Variants in SLCO3A1 observed in about 807,000 individuals in gnomAD.
SLCO3A1 encodes solute carrier organic anion transporter family member 3A1.
A neutral mutation model predicts 63.1 loss-of-function variants in SLCO3A1; 27 were observed. The ratio of observed to expected loss-of-function variants is 0.43; its 90% confidence interval spans 0.32 to 0.59. The LOEUF (loss-of-function observed/expected upper bound fraction) is 0.59, where lower values mean the gene tolerates loss of function less well. Among genes scored for constraint, SLCO3A1 ranks in the 20% least tolerant of loss-of-function variants. The probability of loss-of-function intolerance (pLI) is 0.09; values close to 1 mark genes in which losing one functional copy is unlikely to be tolerated. For synonymous variants in SLCO3A1, 473 were observed against 409.9 expected (o/e 1.15, Z -1.86); for missense variants, 773 against 945.8 (o/e 0.82, Z 2.40).
At chr15:91,988,859 C>G (rs2046089074) in intron 2 of SLCO3A1, among the ~76,000 whole-genome samples, 1 of 152,144 alleles carries the variant, frequency 6.6e-6, no homozygotes, top group South Asian at 2.1e-4. Flanking sequence ...ACCATAAATC[C>G]TACTAATGCA....
chr15:92,031,433 A>G (rs574105478), intron 2 of SLCO3A1, among the ~76,000 whole-genome samples: 4 of 152,212 alleles, frequency 2.6e-5, no homozygotes, highest in African/African-American at 7.2e-5. Context: ...TAAAAGCCCA[A>G]ATAAGAGGGC....
chr15:92,125,938 C>G, intron 5 of SLCO3A1, 123 bp from the exon 6 acceptor site: 4 of 756,230 alleles, frequency 5.3e-6, no homozygotes, highest in Non-Finnish European at 9.0e-6. Context: ...CCCATGGAGG[C>G]AGTGACACCA....
intron 1 of SLCO3A1, among the ~76,000 whole-genome samples, chr15:91,907,056 G>A (rs1321914790): frequency 6.6e-6 from 1 of 152,106 alleles, no homozygotes; most frequent in African/African-American, 2.4e-5. Flanking sequence ...GCCATTTAGA[G>A]GAAAGAGTGG....
intron 2 of SLCO3A1, among the ~76,000 whole-genome samples, chr15:91,939,458 C>T (rs1899538542): frequency 6.6e-6 from 1 of 152,184 alleles, no homozygotes; most frequent in African/African-American, 2.4e-5. Context: ...GAATGTGGTT[C>T]TGCAGCAGGA....
intron 1 of SLCO3A1, among the ~76,000 whole-genome samples, chr15:91,907,677 G>A (rs768054807): frequency 6.6e-6 from 1 of 151,866 alleles, no homozygotes; most frequent in Non-Finnish European, 1.5e-5. Context: ...GTGCCACCAT[G>A]CCCAGCTAAT....
At chr15:92,158,682 G>T (rs912448814) in intron 9 of SLCO3A1, among the ~76,000 whole-genome samples, 1 of 152,172 alleles carries the variant, frequency 6.6e-6, no homozygotes, top group Non-Finnish European at 1.5e-5. Context: ...GGGGCTGGGC[G>T]TGAAAATGAG....
chr15:92,080,244 T>C (rs1371442291), intron 2 of SLCO3A1, among the ~76,000 whole-genome samples: 1 of 152,112 alleles, frequency 6.6e-6, no homozygotes, highest in Non-Finnish European at 1.5e-5. Flanking sequence ...CAGGCCTGGG[T>C]AGTAATCAGT....
intron 4 of SLCO3A1, among the ~76,000 whole-genome samples, chr15:92,113,625 C>A (rs2047756503): frequency 6.6e-6 from 1 of 152,124 alleles, no homozygotes. Flanking sequence ...TAGCCCAGGG[C>A]AGAGGTTAGG....
At chr15:91,962,158 G>C (rs1308970749) in intron 2 of SLCO3A1, among the ~76,000 whole-genome samples, 1 of 152,164 alleles carries the variant, frequency 6.6e-6, no homozygotes, top group Non-Finnish European at 1.5e-5. Flanking sequence ...GGTAGCATAT[G>C]AGGCAGTGAC....
Position 91,872,544 on chromosome 15 carries a change from A to G in SLCO3A1, c.180+18456A>G, listed in dbSNP as rs1469249248. Among the ~76,000 whole-genome samples, 1 of 151,730 alleles carries G rather than the reference A, an allele frequency of 6.6e-6. No individual in the cohort carries two copies. Among genetic ancestry groups the G allele is most frequent in the Non-Finnish European group, 1.5e-5 (1 of 67,988 alleles). On this transcript the variant is annotated intron_variant, in intron 1 of 9. Coordinates refer to ENST00000318445, the MANE Select transcript of SLCO3A1 (RefSeq NM_013272.4). This position sits in a 1 kb window ranked among gnomAD's most constrained non-coding sequence, Gnocchi z 4.1. ...ATGAGACTCCGTCTCAAAAAAAAAAAGAAAAGAAAAAAGAAGAAAGAAAGA... is the reference window on the plus strand; with the variant it reads ...ATGAGACTCCGTCTCAAAAAAAAAAGGAAAAGAAAAAAGAAGAAAGAAAGA...
intron 7 of SLCO3A1, among the ~76,000 whole-genome samples, chr15:92,132,097 A>G (rs915126293): frequency 1.4e-5 from 2 of 145,486 alleles, no homozygotes; most frequent in Admixed American, 1.4e-4. Context: ...TCCAGGGGTA[A>G]TACCATTCTC....
At position 91,941,292 on chromosome 15, in the gene SLCO3A1, C is replaced by T. The variant is rs1372592194; in HGVS notation, c.646+24834C>T. 1.9e-5 allele frequency: 5 copies of T among 263,342 alleles called. No individual in the cohort carries two copies. The highest frequency in any genetic ancestry group is 3.0e-5 in the Non-Finnish European group (4 of 131,390). The allele number at this position is 263,342 out of a possible 1,614,324, so 16.3% of individuals were successfully genotyped here. A position where few individuals can be genotyped will look rare whatever the true frequency, so the allele number is the denominator to read the frequency against. On this transcript the variant is annotated intron_variant, in intron 2 of 9. Transcript: ENST00000318445. This position sits in a 1 kb window ranked among gnomAD's most constrained non-coding sequence, Gnocchi z 4.4. ...AGGTGTGTTGGGGCAGGGCGGGGCT[C>T]GGCTGGGGGGTGGGAGAGAGACACT...
intron 2 of SLCO3A1, among the ~76,000 whole-genome samples, chr15:92,045,284 A>AC (rs920414743): frequency 6.6e-6 from 1 of 151,614 alleles, no homozygotes; most frequent in African/African-American, 2.4e-5. Flanking sequence ...CATCTCAAAA[A>AC]AAAAAAAAAA....
chr15:91,980,416 T>A lies in SLCO3A1; in HGVS notation c.646+63958T>A, dbSNP rs1016834423. ...GCAAGAGTTTGGGGGCTGGGAAATCTGAGAGTTTAAAAAAAAAAAATCCAA... is the reference window on the plus strand; with the variant it reads ...GCAAGAGTTTGGGGGCTGGGAAATCAGAGAGTTTAAAAAAAAAAAATCCAA... On this transcript the variant is annotated intron_variant, in intron 2 of 9. Transcript: ENST00000318445. Among the ~76,000 whole-genome samples the A allele has an allele frequency of 1.9e-4, 27 of 144,068 alleles. 1 individual carries two copies. Among genetic ancestry groups the A allele is most frequent in the Admixed American group, 1.5e-3 (22 of 14,222 alleles). The allele number at this position is 144,068 out of a possible 152,430, so 94.5% of individuals were successfully genotyped here.
At chr15:91,953,017 C>T (rs1394721266) in intron 2 of SLCO3A1, among the ~76,000 whole-genome samples, 1 of 152,108 alleles carries the variant, frequency 6.6e-6, no homozygotes, top group African/African-American at 2.4e-5. Flanking sequence ...ATCAAAGAAT[C>T]CCAAGAAGTA....
chr15:92,153,245 CAA>C (rs11347750), intron 9 of SLCO3A1, among the ~76,000 whole-genome samples: 13 of 140,414 alleles, frequency 9.3e-5, no homozygotes, highest in Admixed American at 6.4e-4. Context: ...CTGAAACAAA[CAA>C]AAAAAAAAAA....
intron 1 of SLCO3A1, among the ~76,000 whole-genome samples, chr15:91,881,000 A>G (rs527878846): frequency 6.6e-6 from 1 of 152,266 alleles, no homozygotes; most frequent in East Asian, 1.9e-4. Flanking sequence ...GCCAGGCGAT[A>G]TGTCTCCTTT....
chr15:92,091,279 C>G (rs1447585087), intron 2 of SLCO3A1, among the ~76,000 whole-genome samples: 1 of 152,148 alleles, frequency 6.6e-6, no homozygotes, highest in Non-Finnish European at 1.5e-5. Context: ...ATCCCAGGCT[C>G]TCCTCCCCAC....
At position 91,916,966 on chromosome 15, in the gene SLCO3A1, G is replaced by A. The variant is rs1898683416; in HGVS notation, c.646+508G>A. Among the ~76,000 whole-genome samples, 1 of 152,212 alleles carries A rather than the reference G, an allele frequency of 6.6e-6. No homozygotes were observed. The highest frequency in any genetic ancestry group is 2.1e-4 in the South Asian group (1 of 4,826). ...TTTTCAATAATGGAAGTATGCATGGGAATTGGGTATGTAGAGAGAAATAAG... is the reference window on the plus strand; with the variant it reads ...TTTTCAATAATGGAAGTATGCATGGAAATTGGGTATGTAGAGAGAAATAAG... On this transcript the variant is annotated intron_variant, in intron 2 of 9. Transcript: ENST00000318445. This position sits in a 1 kb window ranked among gnomAD's most constrained non-coding sequence, Gnocchi z 6.2.
Sources: allele counts gnomAD v4.1 joint callset (sites outside exome capture counted in the v4.1 genomes callset), GRCh38; gene constraint gnomAD v4.1.1; non-coding constraint Gnocchi (gnomAD v3.1); transcripts MANE v1.5; gene names NCBI Gene and HGNC (gene_info 2026-07-23, HGNC 2026-07-21).